Variants in DNAJC1 observed in about 807,000 individuals in gnomAD.
The protein encoded by DNAJC1 is dnaJ homolog subfamily C member 1.
A neutral mutation model predicts 76.6 loss-of-function variants in DNAJC1; 58 were observed. The ratio of observed to expected loss-of-function variants is 0.76; its 90% CI spans 0.61 to 0.94. DNAJC1 has a LOEUF of 0.94. DNAJC1 is among the 40% of genes least tolerant of loss of function. The pLI, the probability that DNAJC1 is intolerant of heterozygous loss-of-function variation, is 0.00. For synonymous variants in DNAJC1, 258 were observed against 267.9 expected, an observed-to-expected ratio of 0.96 and a Z score of 0.36; for missense variants, 689 against 677.3, an observed-to-expected ratio of 1.02 and a Z score of -0.19.
chr10:21,820,098 C>T (rs1003292844), intron 8 of DNAJC1, among the ~76,000 whole-genome samples: 11 of 152,132 alleles, frequency 7.2e-5, no homozygotes, highest in Admixed American at 7.2e-4. Context: ...TTTAATTTGT[C>T]CTAACTGCTT....
In DNAJC1 at chr10:21,924,253, A is replaced by G. The variant is rs558726828; in HGVS notation, c.372-3290T>C. ...GTTATTTTGATTCTAACACACCTGT[A>G]ATCAAATTTACAATAACTAGTTAAT... On this transcript the variant is annotated intron_variant, in intron 3 of 11. Coordinates refer to ENST00000376980, the MANE Select transcript of DNAJC1 (RefSeq NM_022365.4). Among the ~76,000 whole-genome samples the G allele has an allele frequency of 2.6e-5, 4 of 152,288 alleles. No individual in the cohort carries two copies. The East Asian group carries it at 7.7e-4, about 29-fold the overall frequency.
At chr10:21,825,815 G>C (rs545359869) in intron 8 of DNAJC1, among the ~76,000 whole-genome samples, 2 of 152,288 alleles carry the variant, frequency 1.3e-5, no homozygotes, top group East Asian at 3.9e-4. Context: ...CTGAACATGA[G>C]TAAATCTTCT....
chr10:21,920,420 C>T (rs2131769869), intron 4 of DNAJC1, among the ~76,000 whole-genome samples: 1 of 151,566 alleles, frequency 6.6e-6, no homozygotes, highest in Non-Finnish European at 1.5e-5. Context: ...ATTTATTTAC[C>T]TAAAACATTT....
At chr10:21,886,784 T>TAA (rs537787929) in intron 7 of DNAJC1, among the ~76,000 whole-genome samples, 1 of 151,536 alleles carries the variant, frequency 6.6e-6, no homozygotes, top group Non-Finnish European at 1.5e-5. Flanking sequence ...CCCTTTATGT[T>TAA]AAAAAAAACT....
chr10:21,849,920 C>A (rs1470509066), intron 8 of DNAJC1, among the ~76,000 whole-genome samples: 1 of 152,112 alleles, frequency 6.6e-6, no homozygotes, highest in African/African-American at 2.4e-5. Flanking sequence ...ATTCAACACC[C>A]TTTCCTAATT....
intron 7 of DNAJC1, among the ~76,000 whole-genome samples, chr10:21,894,354 T>C (rs910370291): frequency 1.3e-5 from 2 of 152,152 alleles, no homozygotes; most frequent in African/African-American, 2.4e-5. Flanking sequence ...GTAGATCACT[T>C]CAGGTCACGA....
chr10:21,931,969 C>T (rs1038017424), intron 1 of DNAJC1, among the ~76,000 whole-genome samples: 1 of 152,044 alleles, frequency 6.6e-6, no homozygotes, highest in Non-Finnish European at 1.5e-5. Context: ...ATTATTTTAA[C>T]AGTCAGGTGA....
intron 8 of DNAJC1, among the ~76,000 whole-genome samples, chr10:21,831,786 T>C (rs960665786): frequency 5.3e-5 from 4 of 75,602 alleles, no homozygotes; most frequent in African/African-American, 1.5e-4. Context: ...CGAGACTCCA[T>C]CTCAAAAAAA....
intron 8 of DNAJC1, among the ~76,000 whole-genome samples, chr10:21,860,592 G>A (rs1333470014): frequency 2.0e-5 from 3 of 152,084 alleles, no homozygotes; most frequent in Non-Finnish European, 4.4e-5. Context: ...TACTTGGGAG[G>A]CTGAGGCAGG....
intron 1 of DNAJC1, among the ~76,000 whole-genome samples, chr10:21,944,599 G>A (rs1837473453): frequency 1.3e-5 from 2 of 152,202 alleles, no homozygotes; most frequent in South Asian, 2.1e-4. Flanking sequence ...GATAAGTCTA[G>A]GATAATCACA....
chr10:21,803,222 T>C (rs1834833518), intron 9 of DNAJC1, among the ~76,000 whole-genome samples: 1 of 152,088 alleles, frequency 6.6e-6, no homozygotes, highest in South Asian at 2.1e-4. Flanking sequence ...AGGTCAATTG[T>C]TTCTTGAAGG....
intron 7 of DNAJC1, among the ~76,000 whole-genome samples, chr10:21,893,995 G>A (rs1490472645): frequency 6.6e-6 from 1 of 151,750 alleles, no homozygotes; most frequent in African/African-American, 2.4e-5. Context: ...GACATCAAAA[G>A]GATAAAAAAC....
chr10:21,959,075 T>A (rs1837742320), intron 1 of DNAJC1, among the ~76,000 whole-genome samples: 1 of 152,102 alleles, frequency 6.6e-6, no homozygotes, highest in Non-Finnish European at 1.5e-5. Flanking sequence ...CCACTAAATA[T>A]CCTGATAGTT....
At position 21,813,100 on chromosome 10, in the gene DNAJC1, T is replaced by C. The variant is rs1025143326; in HGVS notation, c.979-7001A>G. Among the ~76,000 whole-genome samples the C allele has an allele frequency of 3.1e-3, 452 of 143,610 alleles. 3 individuals are homozygous for C. The highest frequency in any genetic ancestry group is 0.011 in the African/African-American group (427 of 38,668). The allele number at this position is 143,610 out of a possible 152,430, so 94.2% of individuals were successfully genotyped here. ...ATATACATATATACACACACACATA[T>C]ATATATATATATATATACAGCTTCT... On this transcript the variant is annotated intron_variant, in intron 8 of 11. Coordinates refer to ENST00000376980, the MANE Select transcript of DNAJC1 (RefSeq NM_022365.4).
At chr10:21,806,702 TC>T (rs1834888345) in intron 8 of DNAJC1, among the ~76,000 whole-genome samples, 1 of 151,918 alleles carries the variant, frequency 6.6e-6, no homozygotes. Flanking sequence ...CAAATGTCAC[TC>T]TTTTTTTTTT....
chr10:21,858,710 G>A (rs935368572), intron 8 of DNAJC1, among the ~76,000 whole-genome samples: 3 of 152,110 alleles, frequency 2.0e-5, no homozygotes, highest in Non-Finnish European at 2.9e-5. Flanking sequence ...GAGAGATAAC[G>A]AGAACAGGAA....
intron 9 of DNAJC1, among the ~76,000 whole-genome samples, chr10:21,786,715 T>C (rs1834615970): frequency 6.6e-6 from 1 of 152,006 alleles, no homozygotes; most frequent in South Asian, 2.1e-4. Context: ...TCTCAGGAGA[T>C]CCACCTCGGC....
intron 2 of DNAJC1, among the ~76,000 whole-genome samples, chr10:21,928,818 G>C (rs969838789): frequency 6.6e-6 from 1 of 151,676 alleles, no homozygotes; most frequent in African/African-American, 2.4e-5. Flanking sequence ...CTGTAATTTA[G>C]ACAAGAAAAT....
chr10:21,797,309 C>G (rs1192024913), intron 9 of DNAJC1, among the ~76,000 whole-genome samples: 2 of 152,066 alleles, frequency 1.3e-5, no homozygotes, highest in African/African-American at 4.8e-5. Flanking sequence ...GTCTATGTGT[C>G]TGTCTTTATG....
Sources: gnomAD v4.1 joint callset for allele counts (sites outside exome capture counted in the v4.1 genomes callset) on GRCh38, gnomAD v4.1.1 for gene constraint, MANE v1.5 for transcripts, NCBI Gene and HGNC (gene_info 2026-07-23, HGNC 2026-07-21) for gene names.